Variants in ZBTB20 observed in about 807,000 individuals in gnomAD.
ZBTB20 encodes zinc finger and BTB domain-containing protein 20.
ZBTB20 carries 9 observed loss-of-function variants against 56.9 expected under a neutral mutation model. The ratio of observed to expected loss-of-function variants is 0.16; its 90% CI spans 0.10 to 0.28. The LOEUF is 0.28. Among genes scored for constraint, ZBTB20 ranks in the 10% least tolerant of loss-of-function variants. The probability of loss-of-function intolerance (pLI) is 1.00; values close to 1 mark genes in which losing one functional copy is unlikely to be tolerated. For synonymous variants in ZBTB20, 417 were observed against 420.7 expected (o/e 0.99, Z 0.11); for missense variants, 655 against 1,003.0 (o/e 0.65, Z 4.69).
intron 3 of ZBTB20, among the ~76,000 whole-genome samples, chr3:114,923,246 C>A (rs949807252): frequency 6.6e-6 from 1 of 152,230 alleles, no homozygotes; most frequent in Non-Finnish European, 1.5e-5. Flanking sequence ...TTTGGAACCA[C>A]AAAAGATCAC....
chr3:114,768,639 A>G (rs1345025708), intron 5 of ZBTB20, among the ~76,000 whole-genome samples: 1 of 152,192 alleles, frequency 6.6e-6, no homozygotes, highest in Non-Finnish European at 1.5e-5. Context: ...GGAATTGTTT[A>G]TATTTGTTTA....
chr3:114,714,524 C>T (rs1166544596), intron 5 of ZBTB20, among the ~76,000 whole-genome samples: 1 of 150,876 alleles, frequency 6.6e-6, no homozygotes, highest in Non-Finnish European at 1.5e-5. Flanking sequence ...ATAGTCTTCT[C>T]TCACCAAGCA....
chr3:114,857,106 A>C (rs1385396553), intron 4 of ZBTB20, among the ~76,000 whole-genome samples: 3 of 152,126 alleles, frequency 2.0e-5, no homozygotes, highest in Non-Finnish European at 2.9e-5. Context: ...AATCTCATGG[A>C]TATCACAGGG....
intron 4 of ZBTB20, among the ~76,000 whole-genome samples, chr3:114,856,624 CA>C (rs199774623): frequency 6.0e-5 from 9 of 150,632 alleles, no homozygotes; most frequent in East Asian, 5.8e-4. Flanking sequence ...AAGGTTCTTA[CA>C]AAAAAAAAGT....
intron 6 of ZBTB20, among the ~76,000 whole-genome samples, chr3:114,645,289 A>T (rs2059778943): frequency 6.6e-6 from 1 of 152,174 alleles, no homozygotes; most frequent in Non-Finnish European, 1.5e-5. Flanking sequence ...AACTGTTCTC[A>T]AACCCATTCA....
At chr3:114,517,133 GTAAT>G (rs1052714593) in intron 6 of ZBTB20, among the ~76,000 whole-genome samples, 1 of 152,118 alleles carries the variant, frequency 6.6e-6, no homozygotes, top group Non-Finnish European at 1.5e-5. Context: ...TCACTAATAA[GTAAT>G]CAATCTATCA....
intron 7 of ZBTB20, among the ~76,000 whole-genome samples, chr3:114,466,036 C>T (rs2092538117): frequency 6.6e-6 from 1 of 151,844 alleles, no homozygotes; most frequent in African/African-American, 2.4e-5. Context: ...ATGCAGGAAA[C>T]TCACATCTGG....
intron 5 of ZBTB20, chr3:114,743,842 A>C (rs917390587): frequency 9.9e-5 from 15 of 152,182 alleles, no homozygotes; most frequent in Non-Finnish European, 1.9e-4. Flanking sequence ...TGAAATCAGA[A>C]ATTTCAAAAT....
rs78775567 is a variant in ZBTB20, at chr3:114,836,366, G to T, written c.-416-35192C>A. Among the ~76,000 whole-genome samples, 643 of 152,206 alleles carry T rather than the reference G, an allele frequency of 4.2e-3. 7 individuals carry two copies. Among genetic ancestry groups the T allele is most frequent in the African/African-American group, 0.015 (611 of 41,514 alleles). Reference sequence around the variant, plus strand: ...TTCCACCACAAAGATTTTAAAAAATGGAAGTATATGGAAACAAGATGCTAC... The same window carrying T: ...TTCCACCACAAAGATTTTAAAAAATTGAAGTATATGGAAACAAGATGCTAC... On this transcript the variant is annotated intron_variant, in intron 4 of 11. Transcript: ENST00000675478.
rs1023467449 is a variant in ZBTB20 at position 115,027,337 on chromosome 3, C to A, written c.-507+43882G>T. On this transcript the variant is annotated intron_variant, in intron 2 of 11. Transcript: ENST00000675478. The stretch of plus-strand genomic sequence containing the variant: ...TATACTAAAAATATTGTGTTATTGA[C>A]AAGGCAAGTAAAGAAAAGAAATCAA... 57 of 150,830 alleles carry A rather than the reference C, an allele frequency of 3.8e-4. 1 individual carries two copies. The highest frequency in any genetic ancestry group is 1.4e-3 in the African/African-American group (57 of 41,268). The allele number at this position is 150,830 out of a possible 1,614,324, so 9.3% of individuals were successfully genotyped here.
intron 6 of ZBTB20, among the ~76,000 whole-genome samples, chr3:114,503,808 C>T (rs2044279710): frequency 6.6e-6 from 1 of 152,150 alleles, no homozygotes; most frequent in Non-Finnish European, 1.5e-5. Context: ...TAGTGTCAAT[C>T]TCCAAGAATC....
chr3:114,720,350 T>C (rs866606777), intron 5 of ZBTB20, among the ~76,000 whole-genome samples: 4 of 151,948 alleles, frequency 2.6e-5, no homozygotes, highest in African/African-American at 4.8e-5. Flanking sequence ...TTGCATAAAA[T>C]ATCTTTTGCT....
At chr3:114,805,960 G>A (rs2072074077) in intron 4 of ZBTB20, among the ~76,000 whole-genome samples, 1 of 151,732 alleles carries the variant, frequency 6.6e-6, no homozygotes, top group South Asian at 2.1e-4. Context: ...CTATTCCACT[G>A]CATGGATATA....
chr3:114,997,399 A>C (rs921861805), intron 2 of ZBTB20, among the ~76,000 whole-genome samples: 1 of 151,826 alleles, frequency 6.6e-6, no homozygotes, highest in African/African-American at 2.4e-5. Context: ...GGTATGTGTA[A>C]AACAAATTTT....
chr3:114,952,922 A>T (rs2077121584), intron 3 of ZBTB20, among the ~76,000 whole-genome samples: 1 of 152,086 alleles, frequency 6.6e-6, no homozygotes, highest in African/African-American at 2.4e-5. Context: ...GAATGAAGGA[A>T]GAGGAAAAAA....
intron 3 of ZBTB20, among the ~76,000 whole-genome samples, chr3:114,969,249 G>A (rs986071064): frequency 2.6e-5 from 4 of 152,156 alleles, no homozygotes; most frequent in Admixed American, 6.6e-5. Flanking sequence ...GGGGTTGACA[G>A]AAGAAAGGAG....
intron 6 of ZBTB20, among the ~76,000 whole-genome samples, chr3:114,503,628 A>T (rs1443706177): frequency 6.6e-6 from 1 of 152,172 alleles, no homozygotes. Flanking sequence ...CATTAAGCAC[A>T]CTTTGTTCAA....
At chr3:114,526,755 C>T (rs1379743789) in intron 6 of ZBTB20, among the ~76,000 whole-genome samples, 5 of 152,092 alleles carry the variant, frequency 3.3e-5, no homozygotes, top group Non-Finnish European at 7.3e-5. Flanking sequence ...CAAATGTCTA[C>T]GTGGTTTATA....
chr3:114,611,997 A>ATCCTAGCCATGTGAGAGTCTTC (rs2057594774), intron 6 of ZBTB20, among the ~76,000 whole-genome samples: 2 of 152,212 alleles, frequency 1.3e-5, no homozygotes, highest in Non-Finnish European at 2.9e-5. Context: ...AGTCTTCAAT[A>ATCCTAGCCATGTGAGAGTCTTC]ACATGGCTCT....
Sources: gnomAD v4.1 joint callset for allele counts (sites outside exome capture counted in the v4.1 genomes callset) on GRCh38, gnomAD v4.1.1 for gene constraint, MANE v1.5 for transcripts, NCBI Gene and HGNC (gene_info 2026-07-23, HGNC 2026-07-21) for gene names.